The following ACVR1C variants were observed in gnomAD, a reference collection of about 807,000 sequenced individuals.
ACVR1C encodes activin A receptor type 1C.
A neutral mutation model predicts 57.9 loss-of-function variants in ACVR1C; 23 were observed. The observed-to-expected ratio is 0.40, with a 90% confidence interval of 0.29 to 0.56. The LOEUF (loss-of-function observed/expected upper bound fraction) is 0.56, where lower values mean the gene tolerates loss of function less well. Among genes scored for constraint, ACVR1C ranks in the 20% least tolerant of loss-of-function variants. The pLI is 0.50. For synonymous variants in ACVR1C, 214 were observed against 215.3 expected (o/e 0.99, Z 0.05); for missense variants, 480 against 607.9 (o/e 0.79, Z 2.21).
At position 157,533,764 on chromosome 2, in the gene ACVR1C, T is replaced by C; in HGVS notation, c.*154A>G. On this transcript the variant is annotated 3_prime_UTR_variant, in exon 9 of 9. Transcript: ENST00000243349. ...GTCAACTCCTGCCCATGCTTAACTTTAGAGTTATCTTTTCATGCTGCCTTA... is the reference window on the plus strand; with the variant it reads ...GTCAACTCCTGCCCATGCTTAACTTCAGAGTTATCTTTTCATGCTGCCTTA... 1.3e-5 allele frequency: 8 copies of C among 611,584 alleles called. No individual in the cohort carries two copies. The highest frequency in any genetic ancestry group is 1.9e-5 in the Non-Finnish European group (8 of 418,730). The allele number at this position is 611,584 out of a possible 1,614,324, so 37.9% of individuals were successfully genotyped here.
At chr2:157,577,434 T>C (rs1001148299) in intron 2 of ACVR1C, among the ~76,000 whole-genome samples, 1 of 152,144 alleles carries the variant, frequency 6.6e-6, no homozygotes, top group African/African-American at 2.4e-5. Context: ...TTTTGAGACT[T>C]CATTCTTAAG....
chr2:157,602,026 C>G (rs1338570223), intron 1 of ACVR1C, among the ~76,000 whole-genome samples: 1 of 152,204 alleles, frequency 6.6e-6, no homozygotes, highest in Non-Finnish European at 1.5e-5. Flanking sequence ...TTCAGTGTTT[C>G]TCACAACTTT....
At chr2:157,561,069 C>T (rs1688221746) in intron 2 of ACVR1C, among the ~76,000 whole-genome samples, 1 of 152,052 alleles carries the variant, frequency 6.6e-6, no homozygotes, top group Non-Finnish European at 1.5e-5. Context: ...TGTTTAGAAA[C>T]AAACAAACAA....
rs1682905659 is a variant in ACVR1C, at chr2:157,626,809, T to C, written c.73+1763A>G. 2.0e-5 allele frequency among the ~76,000 whole-genome samples: 3 copies of C among 152,336 alleles called. No homozygotes were observed. In the South Asian group the frequency reaches 6.2e-4, roughly 32 times the overall value. ...AAAACTTCTTAAGGAGATTTGAAAA[T>C]GATTGCACTTGACATAGAAAAGTTT... On this transcript the variant is annotated intron_variant, in intron 1 of 8. Transcript: ENST00000243349.
intron 2 of ACVR1C, among the ~76,000 whole-genome samples, chr2:157,566,649 A>C (rs975996880): frequency 1.3e-5 from 2 of 151,876 alleles, no homozygotes; most frequent in African/African-American, 4.8e-5. Flanking sequence ...TGCGCTTTTC[A>C]GACCGGCTTA....
chr2:157,615,385 C>A (rs1173818259), intron 1 of ACVR1C, among the ~76,000 whole-genome samples: 1 of 150,730 alleles, frequency 6.6e-6, no homozygotes, highest in Non-Finnish European at 1.5e-5. Flanking sequence ...GTGGGTTTTG[C>A]CTGTTTTGAG....
intron 2 of ACVR1C, among the ~76,000 whole-genome samples, chr2:157,581,563 A>G (rs2105251191): frequency 6.6e-6 from 1 of 152,262 alleles, no homozygotes; most frequent in East Asian, 1.9e-4. Context: ...CAAAGGCCCA[A>G]CCATAACAAA....
intron 8 of ACVR1C, among the ~76,000 whole-genome samples, chr2:157,535,914 G>T (rs114868509): frequency 0.015 from 2,244 of 152,254 alleles, 31 homozygotes; most frequent in Non-Finnish European, 0.025. Flanking sequence ...TATCCTCTAA[G>T]TTCCATGATG....
chr2:157,594,736 T>G (rs1053321042), intron 1 of ACVR1C, among the ~76,000 whole-genome samples: 9 of 152,154 alleles, frequency 5.9e-5, no homozygotes, highest in African/African-American at 1.9e-4. Context: ...AGAAATAGTA[T>G]GCAAGACCAA....
intron 1 of ACVR1C, among the ~76,000 whole-genome samples, chr2:157,602,202 A>G (rs1311672074): frequency 3.9e-5 from 6 of 152,264 alleles, no homozygotes; most frequent in Non-Finnish European, 5.9e-5. Flanking sequence ...CATATTGGTT[A>G]CCACACTAAT....
chr2:157,605,544 T>C (rs1360228343), intron 1 of ACVR1C, among the ~76,000 whole-genome samples: 1 of 151,800 alleles, frequency 6.6e-6, no homozygotes, highest in Non-Finnish European at 1.5e-5. Context: ...TCAATATCTG[T>C]AGGGAATTTG....
chr2:157,606,192 T>A (rs1682392382), intron 1 of ACVR1C, among the ~76,000 whole-genome samples: 1 of 151,774 alleles, frequency 6.6e-6, no homozygotes, highest in African/African-American at 2.4e-5. Flanking sequence ...ATTTTCTTTA[T>A]CCATTCATCC....
intron 3 of ACVR1C, among the ~76,000 whole-genome samples, chr2:157,555,488 C>T (rs942445125): frequency 1.3e-5 from 2 of 152,196 alleles, no homozygotes; most frequent in Non-Finnish European, 2.9e-5. Flanking sequence ...TATGTAACCA[C>T]AGCCAGCAAA....
At chr2:157,565,841 C>T (rs2105234623) in intron 2 of ACVR1C, among the ~76,000 whole-genome samples, 1 of 152,184 alleles carries the variant, frequency 6.6e-6, no homozygotes, top group African/African-American at 2.4e-5. Context: ...AGATGATGAA[C>T]ATCAAGAGGC....
rs568562742 is a variant in ACVR1C, at chr2:157,610,465, A to G, written c.73+18107T>C. Among the ~76,000 whole-genome samples the G allele has an allele frequency of 2.0e-5, 3 of 152,216 alleles. No homozygotes were observed. In the South Asian group the frequency reaches 6.2e-4, roughly 32 times the overall value. ...GACGAGATACTTTTGCTGTTTATAGAATTCTCTTTTATCTTTGATTTTACA... is the reference window on the plus strand; with the variant it reads ...GACGAGATACTTTTGCTGTTTATAGGATTCTCTTTTATCTTTGATTTTACA... On this transcript the variant is annotated intron_variant, in intron 1 of 8. Transcript: ENST00000243349.
Position 157,527,198 on chromosome 2 carries a change from A to G in ACVR1C, c.*6720T>C, listed in dbSNP as rs1490432703. On this transcript the variant is annotated 3_prime_UTR_variant, in exon 9 of 9. Coordinates refer to ENST00000243349, the MANE Select transcript of ACVR1C (RefSeq NM_145259.3). ...CTTCACCTTCCACATTTAAATTACA[A>G]CTACTAAAATCCATCTACATATTTT... 2 of 152,142 alleles carry G rather than the reference A, an allele frequency of 1.3e-5. No individual in the cohort carries two copies. Among genetic ancestry groups the G allele is most frequent in the African/African-American group, 2.4e-5 (1 of 41,434 alleles). 9.4% of individuals were successfully genotyped at this position (152,142 alleles called of 1,614,324 possible).
At chr2:157,603,704 C>T (rs1185427503) in intron 1 of ACVR1C, among the ~76,000 whole-genome samples, 13 of 152,040 alleles carry the variant, frequency 8.6e-5, no homozygotes, top group Non-Finnish European at 1.9e-4. Context: ...TCCATGTTAA[C>T]AAATTAAACA....
intron 2 of ACVR1C, among the ~76,000 whole-genome samples, chr2:157,559,516 T>C (rs2105228245): frequency 6.6e-6 from 1 of 152,354 alleles, no homozygotes; most frequent in Admixed American, 6.5e-5. Context: ...GATGAACATA[T>C]TAATTTTTCT....
At chr2:157,584,326 G>A (rs570072763) in intron 2 of ACVR1C, among the ~76,000 whole-genome samples, 47 of 152,036 alleles carry the variant, frequency 3.1e-4, no homozygotes, top group Middle Eastern at 3.4e-3. Context: ...GGATGGTCTC[G>A]ATCTCCCGAC....
Sources: allele counts gnomAD v4.1 joint callset (sites outside exome capture counted in the v4.1 genomes callset), GRCh38; gene constraint gnomAD v4.1.1; transcripts MANE v1.5; gene names NCBI Gene and HGNC (gene_info 2026-07-23, HGNC 2026-07-21).